PARP8: variants seen among roughly 807,000 people sequenced by gnomAD.
PARP8 encodes poly(ADP-ribose) polymerase family member 8, also known as protein mono-ADP-ribosyltransferase PARP8.
In PARP8, 51 loss-of-function variants were observed where a neutral mutation model predicts 124.1. The ratio of observed to expected loss-of-function variants is 0.41; its 90% confidence interval spans 0.33 to 0.52. The LOEUF is 0.52. Ranked by LOEUF, PARP8 falls within the 20% of genes least tolerant of loss-of-function variation. The pLI is 0.21. For missense variants in PARP8, 860 were observed against 1,018.9 expected (o/e 0.84, Z 2.12); for synonymous variants, 391 against 361.5 (o/e 1.08, Z -0.93).
At chr5:50,790,262 A>G (rs1741796884) in intron 10 of PARP8, among the ~76,000 whole-genome samples, 1 of 152,116 alleles carries the variant, frequency 6.6e-6, no homozygotes. Context: ...TCTTATAAGG[A>G]CTCACAGGAT....
intron 2 of PARP8, among the ~76,000 whole-genome samples, chr5:50,671,457 G>A (rs10070517): frequency 0.9 from 136,871 of 151,788 alleles, 61,768 homozygotes; most frequent in East Asian, 1. Flanking sequence ...TATTGTGAAA[G>A]TATAACTCTG....
At chr5:50,740,665 T>C (rs1757950352) in intron 2 of PARP8, among the ~76,000 whole-genome samples, 1 of 152,008 alleles carries the variant, frequency 6.6e-6, no homozygotes, top group African/African-American at 2.4e-5. Flanking sequence ...TTTTCAAACT[T>C]AGCAAGGCAT....
intron 14 of PARP8, among the ~76,000 whole-genome samples, chr5:50,804,985 C>A (rs1743665956): frequency 6.6e-6 from 1 of 151,894 alleles, no homozygotes; most frequent in Non-Finnish European, 1.5e-5. Flanking sequence ...CGGTTCTTAC[C>A]AAGATTCAGC....
chr5:50,672,932 GT>G (rs1750201338), intron 2 of PARP8, among the ~76,000 whole-genome samples: 1 of 152,128 alleles, frequency 6.6e-6, no homozygotes, highest in African/African-American at 2.4e-5. Context: ...AAGATCAGAC[GT>G]GCCCACTCCA....
At chr5:50,825,790 G>A (rs1473972775) in intron 18 of PARP8, among the ~76,000 whole-genome samples, 2 of 152,048 alleles carry the variant, frequency 1.3e-5, no homozygotes, top group Non-Finnish European at 1.5e-5. Flanking sequence ...ACCATGCTAC[G>A]ACCAGGAAGT....
rs555989415 is a variant in PARP8 at position 50,788,184 on chromosome 5, A to G, written c.671-339A>G. 2.9e-3 allele frequency among the ~76,000 whole-genome samples: 421 copies of G among 144,806 alleles called. 2 individuals are homozygous for G. Among genetic ancestry groups the G allele is most frequent in the African/African-American group, 0.01 (407 of 40,092 alleles). 95.0% of individuals were successfully genotyped at this position (144,806 alleles called of 152,430 possible). A position where few individuals can be genotyped will look rare whatever the true frequency, so the allele number is the denominator to read the frequency against. On this transcript the variant is annotated intron_variant, in intron 9 of 25. Transcript: ENST00000281631. ...ATTTACATATATTATACATTAATAT[A>G]TAATATATTAATGTATAATATATAT...
intron 2 of PARP8, among the ~76,000 whole-genome samples, chr5:50,673,315 C>T (rs552861584): frequency 4.6e-5 from 7 of 152,168 alleles, no homozygotes; most frequent in African/African-American, 7.2e-5. Flanking sequence ...AACCACTGAC[C>T]TAAAATAACC....
intron 9 of PARP8, among the ~76,000 whole-genome samples, chr5:50,781,369 A>G (rs1740650799): frequency 6.6e-6 from 1 of 152,100 alleles, no homozygotes; most frequent in South Asian, 2.1e-4. Flanking sequence ...ATTCCTATAG[A>G]TGGAGTTTTG....
rs1749347918 is a variant in PARP8, at chr5:50,666,917, C to CTCT, written c.-177_-176insTTC. The CTCT allele has an allele frequency of 7.4e-7, 1 of 1,358,754 alleles. No individual in the cohort carries two copies. Among genetic ancestry groups the CTCT allele is most frequent in the Admixed American group, 3.0e-5 (1 of 33,474 alleles). The allele number at this position is 1,358,754 out of a possible 1,614,324, so 84.2% of individuals were successfully genotyped here. A position where few individuals can be genotyped will look rare whatever the true frequency, so the allele number is the denominator to read the frequency against. Reference sequence around the variant, plus strand: ...AGCCGACCTCCCCCTCCTCCTCCTCCTCCCCCTCCTCCTCCTCCTCTTCTC... The same window carrying CTCT: ...AGCCGACCTCCCCCTCCTCCTCCTCCTCTTCCCCCTCCTCCTCCTCCTCTTCTC... On this transcript the variant is annotated 5_prime_UTR_variant, in exon 1 of 26. Transcript: ENST00000281631.
At chr5:50,797,587 T>C (rs1742703590) in intron 14 of PARP8, among the ~76,000 whole-genome samples, 1 of 152,126 alleles carries the variant, frequency 6.6e-6, no homozygotes, top group South Asian at 2.1e-4. Context: ...CCTTCAAAAC[T>C]CCACAATTTA....
At chr5:50,754,146 T>TATATATATATATATATATAC (rs1561331500) in intron 3 of PARP8, among the ~76,000 whole-genome samples, 6 of 21,424 alleles carry the variant, frequency 2.8e-4, no homozygotes, top group Admixed American at 2.8e-3. Flanking sequence ...TATATATATA[T>TATATATATATATATATATAC]ATATACACAC....
intron 17 of PARP8, 140 bp from the exon 18 acceptor site, chr5:50,824,768 A>G (rs948024117): frequency 9.3e-6 from 6 of 647,182 alleles, no homozygotes; most frequent in South Asian, 1.9e-5. Context: ...GACTAGGGCA[A>G]TTGTTGTTGT....
rs576079703 is a variant in PARP8, at chr5:50,668,117, C to T, written c.138C>T (p.Gly46=). ...DSTFTFTYVG[G]PRSVSYSVHV... ...CCTTTACTTTTACCTACGTTGGCGG[C>T]CCCAGAAGGTATTTATGTGTATAGA... Residue 46 remains glycine (G), a synonymous_variant, in exon 2 of 26, where the codon GGC becomes GGT. Coordinates refer to ENST00000281631, the MANE Select transcript of PARP8 (RefSeq NM_024615.4). The T allele has an allele frequency of 6.2e-7, 1 of 1,610,192 alleles. No homozygotes were observed. Among genetic ancestry groups the T allele is most frequent in the Non-Finnish European group, 8.5e-7 (1 of 1,178,488 alleles).
rs983642864 is a variant in PARP8 at position 50,843,203 on chromosome 5, A to G, written c.*1135A>G. ...CAAGAGTCATAATTTCATCAAAATC[A>G]TTTCTTATTCTTTGAGTCCTAGAGT... On this transcript the variant is annotated 3_prime_UTR_variant, in exon 26 of 26. Transcript: ENST00000281631. 5.3e-5 allele frequency: 8 copies of G among 151,630 alleles called. No individual in the cohort carries two copies. The highest frequency in any genetic ancestry group is 1.9e-4 in the African/African-American group (8 of 41,318). 9.4% of individuals were successfully genotyped at this position (151,630 alleles called of 1,614,324 possible).
chr5:50,778,208 A>C (rs1740255981), intron 8 of PARP8, 79 bp downstream of exon 8: 2 of 1,120,602 alleles, frequency 1.8e-6, no homozygotes, highest in South Asian at 2.9e-5. Flanking sequence ...TTTAATTTTC[A>C]GTTTTGTCTT....
At chr5:50,797,410 C>G (rs1306884801) in intron 14 of PARP8, among the ~76,000 whole-genome samples, 177 bp downstream of exon 14, 1 of 152,112 alleles carries the variant, frequency 6.6e-6, no homozygotes, top group African/African-American at 2.4e-5. Context: ...TGTGAAAGAG[C>G]AGTTAGTTTG....
intron 4 of PARP8, 150 bp from the exon 5 acceptor site, chr5:50,760,142 C>A (rs1760398571): frequency 2.6e-6 from 2 of 759,012 alleles, no homozygotes; most frequent in Non-Finnish European, 3.8e-6. Context: ...TGTGTAACTC[C>A]TCAACATGAC....
chr5:50,804,176 AT>A (rs1743558066), intron 14 of PARP8, among the ~76,000 whole-genome samples: 1 of 152,066 alleles, frequency 6.6e-6, no homozygotes, highest in African/African-American at 2.4e-5. Context: ...CTCAGTTGTT[AT>A]CTGTTGCCTC....
chr5:50,781,760 G>A (rs920394583), intron 9 of PARP8, among the ~76,000 whole-genome samples: 1 of 152,174 alleles, frequency 6.6e-6, no homozygotes, highest in Non-Finnish European at 1.5e-5. Context: ...TCACTAGTGT[G>A]AAGGTACAGT....
Sources: gnomAD v4.1 joint callset for allele counts (sites outside exome capture counted in the v4.1 genomes callset) on GRCh38, gnomAD v4.1.1 for gene constraint, MANE v1.5 for transcripts, NCBI Gene and HGNC (gene_info 2026-07-23, HGNC 2026-07-21) for gene names.